Variants in LYN observed in about 807,000 individuals in gnomAD.
LYN encodes the protein tyrosine-protein kinase Lyn.
LYN carries 12 observed loss-of-function variants against 65.0 expected under a neutral mutation model. The ratio of observed to expected loss-of-function variants is 0.18; its 90% CI spans 0.12 to 0.30. The LOEUF (loss-of-function observed/expected upper bound fraction) is 0.30, where lower values mean the gene tolerates loss of function less well. LYN is among the 10% of genes least tolerant of loss of function. The pLI is 1.00. For synonymous variants in LYN, 222 were observed against 221.2 expected (o/e 1.00, Z -0.03); for missense variants, 380 against 623.2 (o/e 0.61, Z 4.16).
At chr8:55,987,406 CAAA>C (rs879257306) in intron 10 of LYN, among the ~76,000 whole-genome samples, 2 of 107,244 alleles carry the variant, frequency 1.9e-5, no homozygotes, top group Non-Finnish European at 2.0e-5. Context: ...GACTTCATCT[CAAA>C]AAAAAAAAAA....
At chr8:55,908,644 G>A (rs1285212751) in intron 1 of LYN, among the ~76,000 whole-genome samples, 3 of 151,820 alleles carry the variant, frequency 2.0e-5, no homozygotes, top group African/African-American at 4.8e-5. Context: ...TTTGTTACAC[G>A]GATATATTGC....
intron 10 of LYN, among the ~76,000 whole-genome samples, chr8:55,975,988 A>G (rs547033373): frequency 6.6e-6 from 1 of 152,262 alleles, no homozygotes; most frequent in Non-Finnish European, 1.5e-5. Context: ...TCTGTCTCTT[A>G]TCTTAATGTT....
At chr8:56,004,291 T>C (rs1808616329) in intron 12 of LYN, among the ~76,000 whole-genome samples, 1 of 143,628 alleles carries the variant, frequency 7.0e-6, no homozygotes, top group Non-Finnish European at 1.5e-5. Context: ...ACAGAAAGAC[T>C]TCCTTTTTTT....
At position 55,908,989 on chromosome 8, in the gene LYN, G is replaced by GTGTATATA. The variant is rs1379592685; in HGVS notation, c.-6+28887_-6+28888insGTATATAT. On this transcript the variant is annotated intron_variant, in intron 1 of 12. Coordinates refer to ENST00000519728, the MANE Select transcript of LYN (RefSeq NM_002350.4). ...GGCTGAATGGTATTCCATTGTGTAT[G>GTGTATATA]TATATATATATATATATATATACAC... Among the ~76,000 whole-genome samples the GTGTATATA allele has an allele frequency of 1.7e-3, 35 of 20,364 alleles. 4 individuals carry two copies. Among genetic ancestry groups the GTGTATATA allele is most frequent in the East Asian group, 3.6e-3 (1 of 274 alleles). The allele number at this position is 20,364 out of a possible 152,430, so 13.4% of individuals were successfully genotyped here.
At chr8:55,968,444 A>C (rs1419669485) in intron 9 of LYN, among the ~76,000 whole-genome samples, 1 of 152,064 alleles carries the variant, frequency 6.6e-6, no homozygotes, top group Admixed American at 6.6e-5. Context: ...TTTAGTAGAG[A>C]CAGAGTTTCA....
At chr8:55,957,236 C>A (rs1246560280) in intron 8 of LYN, among the ~76,000 whole-genome samples, 1 of 152,140 alleles carries the variant, frequency 6.6e-6, no homozygotes, top group Non-Finnish European at 1.5e-5. Flanking sequence ...GGGATGTTTC[C>A]CAGAGTCTGA....
At chr8:55,887,596 A>G (rs1207948495) in intron 1 of LYN, among the ~76,000 whole-genome samples, 8 of 110,846 alleles carry the variant, frequency 7.2e-5, no homozygotes, top group African/African-American at 2.7e-4. Context: ...ACACACACAC[A>G]CACACACATA....
intron 11 of LYN, 125 bp from the exon 12 acceptor site, chr8:55,999,293 C>T (rs1376868006): frequency 2.7e-6 from 2 of 751,890 alleles, no homozygotes; most frequent in African/African-American, 1.7e-5. Context: ...ACATTCCAGC[C>T]TGGGTGACAA....
chr8:55,929,235 C>T (rs1334302856), intron 1 of LYN, among the ~76,000 whole-genome samples: 1 of 152,186 alleles, frequency 6.6e-6, no homozygotes, highest in African/African-American at 2.4e-5. Flanking sequence ...TCATGAGAAG[C>T]AGGGATCCGT....
chr8:55,966,650 G>A lies in LYN; in HGVS notation c.791-65G>A. On this transcript the variant is annotated intron_variant, in intron 8 of 12. Transcript: ENST00000519728. ...CCCAAAGTGCTGGGATTATAGGTGT[G>A]AGCCACCTCCCCCGGCTAGATTTTC... 14 of 1,463,264 alleles carry A rather than the reference G, an allele frequency of 9.6e-6. No individual in the cohort carries two copies. In the South Asian group the frequency reaches 1.0e-4, roughly 10 times the overall value. The allele number at this position is 1,463,264 out of a possible 1,614,324, so 90.6% of individuals were successfully genotyped here.
chr8:55,938,218 G>A (rs1349056619), intron 1 of LYN, among the ~76,000 whole-genome samples: 1 of 152,124 alleles, frequency 6.6e-6, no homozygotes, highest in Non-Finnish European at 1.5e-5. Context: ...TAATCAAAAG[G>A]CTGCCTGGCC....
intron 10 of LYN, among the ~76,000 whole-genome samples, chr8:55,988,198 T>G (rs1808135183): frequency 6.6e-6 from 1 of 152,086 alleles, no homozygotes; most frequent in Admixed American, 6.5e-5. Context: ...AGTAGAAAAG[T>G]GTTTCTGTGA....
chr8:55,941,748 A>G (rs1585621854), intron 1 of LYN, 107 bp from the exon 2 acceptor site: 2 of 743,902 alleles, frequency 2.7e-6, no homozygotes, highest in Admixed American at 2.7e-5. Flanking sequence ...TATATATGAT[A>G]AAGAATAAAA....
At chr8:55,953,728 G>A (rs552805165) in intron 7 of LYN, 104 bp from the exon 8 acceptor site, 26 of 920,118 alleles carry the variant, frequency 2.8e-5, no homozygotes, top group Middle Eastern at 2.4e-4. Flanking sequence ...CACAGACTGC[G>A]GCAGGTTGGA....
chr8:55,887,559 T>TAAAAAA (rs58233309), intron 1 of LYN, among the ~76,000 whole-genome samples: 1 of 110,482 alleles, frequency 9.1e-6, no homozygotes, highest in Non-Finnish European at 1.8e-5. Flanking sequence ...AAAATATAAA[T>TAAAAAA]ATATATATAT....
intron 1 of LYN, among the ~76,000 whole-genome samples, chr8:55,923,748 C>A (rs1806010099): frequency 6.6e-6 from 1 of 152,112 alleles, no homozygotes; most frequent in Admixed American, 6.5e-5. Flanking sequence ...CCATGTTGGC[C>A]AGGCTGGTCT....
chr8:55,913,895 G>C (rs969589375), intron 1 of LYN, among the ~76,000 whole-genome samples: 1 of 152,172 alleles, frequency 6.6e-6, no homozygotes, highest in African/African-American at 2.4e-5. Context: ...CTTTCTTATG[G>C]CTGCGAGAGA....
At chr8:55,982,315 T>C (rs1488459364) in intron 10 of LYN, among the ~76,000 whole-genome samples, 1 of 152,184 alleles carries the variant, frequency 6.6e-6, no homozygotes, top group Non-Finnish European at 1.5e-5. Context: ...TTGTTTTTTT[T>C]TTAATCCTCA....
At chr8:56,003,624 G>A (rs1204683073) in intron 12 of LYN, among the ~76,000 whole-genome samples, 3 of 151,252 alleles carry the variant, frequency 2.0e-5, no homozygotes, top group East Asian at 2.0e-4. Context: ...GCAGTGAGCC[G>A]AGATGCGCCA....
Sources: gnomAD v4.1 joint callset for allele counts (sites outside exome capture counted in the v4.1 genomes callset) on GRCh38, gnomAD v4.1.1 for gene constraint, MANE v1.5 for transcripts, NCBI Gene and HGNC (gene_info 2026-07-23, HGNC 2026-07-21) for gene names.